POLE: variants seen among roughly 807,000 people sequenced by gnomAD.
POLE encodes DNA polymerase epsilon catalytic subunit A.
Under a neutral mutation model 279.2 loss-of-function variants are expected in POLE, and 188 were observed. That is an observed-to-expected ratio of 0.67 (90% confidence interval 0.60 to 0.76). The LOEUF is 0.76. Among genes scored for constraint, POLE ranks in the 30% least tolerant of loss-of-function variants. The pLI is 0.00. For missense variants in POLE, 2,703 were observed against 3,016.7 expected (o/e 0.90, Z 2.44); for synonymous variants, 1,214 against 1,172.5 (o/e 1.04, Z -0.72).
At chr12:132,667,856 C>T (rs1221538864) in intron 19 of POLE, among the ~76,000 whole-genome samples, 4 of 152,034 alleles carry the variant, frequency 2.6e-5, no homozygotes, top group African/African-American at 4.8e-5. Flanking sequence ...CCGAGGCAGG[C>T]GGATCACTTG....
chr12:132,648,343 G>A (rs1432691142), intron 32 of POLE, among the ~76,000 whole-genome samples: 1 of 151,484 alleles, frequency 6.6e-6, no homozygotes. Flanking sequence ...GAATGGGGGG[G>A]TGAGGGGAGG....
rs571656128 is a variant in POLE, at chr12:132,674,686, G to A, written c.1226+712C>T. On this transcript the variant is annotated intron_variant, in intron 12 of 48. Coordinates refer to ENST00000320574, the MANE Select transcript of POLE (RefSeq NM_006231.4). The stretch of plus-strand genomic sequence containing the variant: ...CTGTCACACCGTCACACGCTAAACC[G>A]GCCCCAGCCTCCTGGCCTCCCTCTC... Among the ~76,000 whole-genome samples the A allele has an allele frequency of 2.0e-4, 31 of 152,152 alleles. 1 individual carries two copies. The highest frequency in any genetic ancestry group is 7.2e-4 in the African/African-American group (30 of 41,506).
chr12:132,632,593 C>T (rs1249061719), intron 44 of POLE, 71 bp downstream of exon 44: 20 of 1,609,184 alleles, frequency 1.2e-5, no homozygotes, highest in Admixed American at 1.7e-5. Flanking sequence ...CACCGGGGAC[C>T]ACCCATGGCA....
At chr12:132,678,942 G>A (rs1177451619) in intron 6 of POLE, among the ~76,000 whole-genome samples, 2 of 152,228 alleles carry the variant, frequency 1.3e-5, no homozygotes, top group African/African-American at 4.8e-5. Flanking sequence ...GGTAGGGACT[G>A]TAGAAATGTT....
At chr12:132,648,300 G>T (rs2042334452) in intron 32 of POLE, among the ~76,000 whole-genome samples, 1 of 151,626 alleles carries the variant, frequency 6.6e-6, no homozygotes, top group East Asian at 1.9e-4. Flanking sequence ...GGTAAGGGAT[G>T]CCAGGTTTCT....
chr12:132,670,985 A>T (rs981146232), intron 16 of POLE, among the ~76,000 whole-genome samples: 1 of 152,096 alleles, frequency 6.6e-6, no homozygotes, highest in Non-Finnish European at 1.5e-5. Context: ...TCTTGAGGGC[A>T]GGCACAGTGG....
chr12:132,686,997 C>T (rs1198906646), intron 1 of POLE, among the ~76,000 whole-genome samples: 1 of 151,666 alleles, frequency 6.6e-6, no homozygotes, highest in East Asian at 1.9e-4. Context: ...CCCGAAAAAC[C>T]TCAGAAAGAG....
intron 6 of POLE, 52 bp downstream of exon 6, chr12:132,679,445 C>T: frequency 6.5e-7 from 1 of 1,549,542 alleles, no homozygotes; most frequent in Non-Finnish European, 8.8e-7. Context: ...TGTCTCCTAT[C>T]CATCTTGTCG....
At chr12:132,687,190 C>T in intron 1 of POLE, 64 bp downstream of exon 1, 2 of 1,107,678 alleles carry the variant, frequency 1.8e-6, no homozygotes, top group Non-Finnish European at 2.4e-6. Flanking sequence ...CGGCGCCAGC[C>T]GAGGACGGCC....
chr12:132,673,045 TCTA>T (rs2042966562), intron 14 of POLE, 116 bp downstream of exon 14: 3 of 796,812 alleles, frequency 3.8e-6, no homozygotes, highest in East Asian at 2.6e-5. Context: ...ACACCAGAAT[TCTA>T]CTGCCGCCTC....
At chr12:132,641,243 G>C (rs1260718371) in intron 39 of POLE, 5 of 373,362 alleles carry the variant, frequency 1.3e-5, no homozygotes, top group African/African-American at 1.1e-4. Flanking sequence ...TCCGCAGACT[G>C]ATGGCTCCTG....
intron 29 of POLE, among the ~76,000 whole-genome samples, chr12:132,654,076 A>G (rs1036248301): frequency 1.3e-5 from 2 of 151,948 alleles, no homozygotes; most frequent in African/African-American, 4.8e-5. Context: ...TTTTTCATCT[A>G]TTGTTCATGG....
At chr12:132,657,015 A>G (rs573165742) in intron 29 of POLE, 121 bp downstream of exon 29, 2 of 1,096,478 alleles carry the variant, frequency 1.8e-6, no homozygotes, top group South Asian at 1.5e-5. Flanking sequence ...ATTTTCAGAA[A>G]AAGTCCATTT....
rs2135995619 is a variant in POLE, at chr12:132,673,164, C to T, written c.1473G>A (p.Glu491=). ...TGCCGACAGGACAGATAATGCTCACCTCGTCGGGCTCCATGGGAATAATGG... is the reference window on the plus strand; with the variant it reads ...TGCCGACAGGACAGATAATGCTCACTTCGTCGGGCTCCATGGGAATAATGG... ...LCTIIPMEPD[E]VLRKGSGTLC... is the part of the protein sequence containing the mutation. The change falls in exon 14 of 49, where the codon GAG becomes GAA. Residue 491 remains glutamate (E), a splice_region_variant and synonymous_variant. Transcript: ENST00000320574. 4 of 1,593,876 alleles carry T rather than the reference C, an allele frequency of 2.5e-6. No individual in the cohort carries two copies. The highest frequency in any genetic ancestry group is 1.1e-5 in the South Asian group (1 of 90,664).
intron 26 of POLE, chr12:132,658,693 C>G (rs561578808): frequency 2.4e-4 from 37 of 155,308 alleles, no homozygotes; most frequent in African/African-American, 8.9e-4. Flanking sequence ...GACACGCACA[C>G]TATGATCCAC....
intron 45 of POLE, among the ~76,000 whole-genome samples, chr12:132,629,251 A>G (rs1277403190): frequency 2.0e-5 from 3 of 152,198 alleles, no homozygotes; most frequent in Non-Finnish European, 4.4e-5. Context: ...AGTGGCCTTA[A>G]AAGACTGAAT....
Position 132,676,554 on chromosome 12 carries a change from C to T in POLE, c.901G>A (p.Asp301Asn), listed in dbSNP as rs1060500882. The change falls in exon 9 of 49, where the codon GAT (aspartate) becomes AAT (asparagine). Residue 301 changes from aspartate to asparagine, a missense_variant. This residue lies in a region of POLE where 1,011 missense variants were observed against 1,111.7 expected (regional missense o/e 0.91). Coordinates refer to ENST00000320574, the MANE Select transcript of POLE (RefSeq NM_006231.4). ...AGAAGCCACCTGCTCACCTGGCCAT[C>T]GATCATGTAGGAAATCATCATAATC... The part of the protein sequence containing the change: ...DQIMMISYMI[D>N]GQGYLITNRE... The T allele has an allele frequency of 3.7e-6, 6 of 1,610,626 alleles. No homozygotes were observed. Among genetic ancestry groups the T allele is most frequent in the Non-Finnish European group, 5.1e-6 (6 of 1,176,884 alleles).
At chr12:132,632,566 C>G in intron 44 of POLE, 58 bp from the exon 45 acceptor site, 1 of 1,606,704 alleles carries the variant, frequency 6.2e-7, no homozygotes, top group Non-Finnish European at 8.5e-7. Flanking sequence ...CTGGGGACCT[C>G]CCACCTGGGG....
At position 132,634,338 on chromosome 12, in the gene POLE, T is replaced by C; in HGVS notation, c.5852A>G (p.Glu1951Gly). The C allele has an allele frequency of 6.2e-7, 1 of 1,614,090 alleles. No homozygotes were observed. Reference sequence around the variant, plus strand: ...TCTTTCCTCCTCATCGTCCTCATTTTCCTGCTCATCCTCTGCTCCCCCTGC... The same window carrying C: ...TCTTTCCTCCTCATCGTCCTCATTTCCCTGCTCATCCTCTGCTCCCCCTGC... ...QKAGGAEDEQ[E>G]NEDDEEERDG... The change falls in exon 43 of 49, where the codon GAA becomes GGA. Residue 1951 changes from glutamate to glycine, a missense_variant. Physicochemically the swap from Glu to Gly is moderately conservative, Grantham distance 98. This residue lies in a region of POLE where 1,551 missense variants were observed against 1,686.1 expected (regional missense o/e 0.92). Transcript: ENST00000320574. This position sits in a 1 kb window ranked among gnomAD's most constrained non-coding sequence, Gnocchi z 4.0.
Sources: gnomAD v4.1 joint callset for allele counts (sites outside exome capture counted in the v4.1 genomes callset) on GRCh38, gnomAD v4.1.1 for gene constraint, gnomAD v4.1.1 regional missense constraint, Gnocchi (gnomAD v3.1) non-coding constraint, MANE v1.5 for transcripts, NCBI Gene and HGNC (gene_info 2026-07-23, HGNC 2026-07-21) for gene names.